NLRP4: variants seen among roughly 807,000 people sequenced by gnomAD.
NLRP4 encodes NLR family pyrin domain containing 4, also known as NACHT, LRR and PYD domains-containing protein 4.
A neutral mutation model predicts 84.7 loss-of-function variants in NLRP4; 44 were observed. The ratio of observed to expected loss-of-function variants is 0.52; its 90% confidence interval spans 0.41 to 0.67. NLRP4 has a LOEUF of 0.67. Ranked by LOEUF, NLRP4 falls within the 30% of genes least tolerant of loss-of-function variation. The pLI is 0.00. For missense variants in NLRP4, 1,260 were observed against 1,219.4 expected, an observed-to-expected ratio of 1.03 and a Z score of -0.50; for synonymous variants, 544 against 476.4, an observed-to-expected ratio of 1.14 and a Z score of -1.85.
chr19:55,844,718 C>T lies in NLRP4; in HGVS notation c.-65-7298C>T, dbSNP rs1009571680. Among the ~76,000 whole-genome samples the T allele has an allele frequency of 3.9e-5, 6 of 152,178 alleles. No homozygotes were observed. In the South Asian group the frequency reaches 8.3e-4, roughly 21 times the overall value. ...TCCAAACAAGCCCAGACTTCAGTTG[C>T]ACTTTGTGACCTCCAGTGTAACTCA... On this transcript the variant is annotated intron_variant, in intron 1 of 9. Transcript: ENST00000301295.
chr19:55,873,455 T>C (rs1330086364), intron 7 of NLRP4, among the ~76,000 whole-genome samples: 1 of 152,190 alleles, frequency 6.6e-6, no homozygotes, highest in Admixed American at 6.5e-5. Context: ...AATTCAAATA[T>C]GCTAGTAATT....
chr19:55,849,837 C>T lies in NLRP4; in HGVS notation c.-65-2179C>T, dbSNP rs796537298. ...AGCTGCGGTGTAATTTCCGAAGCTGCGGTGTAATTTCCGAGACTGCGGTGT... is the reference window on the plus strand; with the variant it reads ...AGCTGCGGTGTAATTTCCGAAGCTGTGGTGTAATTTCCGAGACTGCGGTGT... On this transcript the variant is annotated intron_variant, in intron 1 of 9. Transcript: ENST00000301295. 4.5e-4 allele frequency among the ~76,000 whole-genome samples: 68 copies of T among 149,790 alleles called. 2 individuals are homozygous for T. The highest frequency in any genetic ancestry group is 1.1e-3 in the Admixed American group (17 of 15,046).
chr19:55,870,354 A>G (rs760148473), intron 6 of NLRP4, among the ~76,000 whole-genome samples: 1 of 152,206 alleles, frequency 6.6e-6, no homozygotes, highest in African/African-American at 2.4e-5. Flanking sequence ...TAATTCTTCT[A>G]TCATGCAACT....
chr19:55,867,717 A>G lies in NLRP4; in HGVS notation c.2195A>G (p.Asn732Ser). The G allele has an allele frequency of 6.2e-7, 1 of 1,613,602 alleles. No homozygotes were observed. The highest frequency in any genetic ancestry group is 2.2e-5 in the East Asian group (1 of 44,890). Residue 732 changes from asparagine to serine, a missense_variant, in exon 6 of 10, where the codon AAT (asparagine) becomes AGT (serine). Asn to Ser is a conservative substitution (Grantham distance 46, BLOSUM62 1). Transcript: ENST00000301295. ...AGNVKELALVNCHLSPIDCEV... is the reference protein window; with the variant it reads ...AGNVKELALVSCHLSPIDCEV... The stretch of plus-strand genomic sequence containing the variant: ...TTTTCCCTTTCCTGCAGGCTGGTAA[A>G]TTGTCACCTCTCACCCATTGATTGT...
At chr19:55,869,244 C>T (rs1317683267) in intron 6 of NLRP4, among the ~76,000 whole-genome samples, 1 of 151,978 alleles carries the variant, frequency 6.6e-6, no homozygotes, top group Non-Finnish European at 1.5e-5. Context: ...CCTGTAGTCC[C>T]AGCTACTCTC....
At chr19:55,857,652 C>A in intron 2 of NLRP4, 22 bp from the exon 3 acceptor site, 1 of 1,606,616 alleles carries the variant, frequency 6.2e-7, no homozygotes, top group Non-Finnish European at 8.5e-7. Context: ...GGTTTTCTCT[C>A]CTCTTGCCCT....
At chr19:55,879,171 C>T (rs1210290340) in intron 9 of NLRP4, among the ~76,000 whole-genome samples, 1 of 152,194 alleles carries the variant, frequency 6.6e-6, no homozygotes, top group Non-Finnish European at 1.5e-5. Context: ...AATGGAAACA[C>T]TTGTGAAGTG....
intron 1 of NLRP4, among the ~76,000 whole-genome samples, chr19:55,837,398 A>G (rs566233944): frequency 6.6e-6 from 1 of 152,292 alleles, no homozygotes; most frequent in South Asian, 2.1e-4. Flanking sequence ...GATATTAAGT[A>G]TATTCAACCT....
chr19:55,842,956 T>G (rs950160564), intron 1 of NLRP4, among the ~76,000 whole-genome samples: 1 of 152,100 alleles, frequency 6.6e-6, no homozygotes, highest in Non-Finnish European at 1.5e-5. Flanking sequence ...AGATGGGGTT[T>G]CACCGTGTTA....
intron 2 of NLRP4, among the ~76,000 whole-genome samples, chr19:55,853,761 T>TTTCTC (rs1984267870): frequency 7.7e-6 from 1 of 130,398 alleles, no homozygotes; most frequent in Admixed American, 7.0e-5. Context: ...CTCTTTCTCT[T>TTTCTC]TCTCTCTCTC....
rs1183049946 is a variant in NLRP4, at chr19:55,858,498, A to C, written c.1105A>C (p.Thr369Pro). Residue 369 changes from threonine to proline, a missense_variant, in exon 3 of 10, where the codon ACC (threonine) becomes CCC (proline). Coordinates refer to ENST00000301295, the MANE Select transcript of NLRP4 (RefSeq NM_134444.5). The surrounding 1 kb of genome is among the most constrained non-coding windows in gnomAD (Gnocchi z 4.2). ...CCTGGCCCTGACCTGCCAGAGCACTACCTCTGTGTACTCCTCTTTCGTCTT... is the reference window on the plus strand; with the variant it reads ...CCTGGCCCTGACCTGCCAGAGCACTCCCTCTGTGTACTCCTCTTTCGTCTT... ...KDLALTCQST[T>P]SVYSSFVFNL... 1.9e-6 allele frequency: 3 copies of C among 1,613,814 alleles called. No individual in the cohort carries two copies. The highest frequency in any genetic ancestry group is 2.7e-5 in the African/African-American group (2 of 74,850).
chr19:55,867,164 T>C (rs994389256), intron 5 of NLRP4, among the ~76,000 whole-genome samples: 1 of 149,448 alleles, frequency 6.7e-6, no homozygotes, highest in African/African-American at 2.5e-5. Flanking sequence ...CCAGAGACCA[T>C]AAGCCAAGCA....
chr19:55,878,698 A>G, intron 8 of NLRP4, 96 bp from the exon 9 acceptor site: 1 of 1,072,718 alleles, frequency 9.3e-7, no homozygotes, highest in Non-Finnish European at 1.3e-6. Flanking sequence ...CACTTGAGGC[A>G]ATGGGGTGTG....
Position 55,878,779 on chromosome 19 carries a change from G to A in NLRP4, c.2697-15G>A, listed in dbSNP as rs1393426905. The A allele has an allele frequency of 3.1e-6, 5 of 1,605,790 alleles. No homozygotes were observed. Among genetic ancestry groups the A allele is most frequent in the Non-Finnish European group, 4.3e-6 (5 of 1,174,642 alleles). ...AGGCTGGGGCCGCATCTTACCATGT[G>A]TCTTTTTATTGCAGGTTGGAAGAAT... On this transcript the variant is annotated splice_polypyrimidine_tract_variant and intron_variant, in intron 8 of 9. Coordinates refer to ENST00000301295, the MANE Select transcript of NLRP4 (RefSeq NM_134444.5).
At chr19:55,857,097 T>C (rs1984464343) in intron 2 of NLRP4, among the ~76,000 whole-genome samples, 1 of 152,248 alleles carries the variant, frequency 6.6e-6, no homozygotes, top group Non-Finnish European at 1.5e-5. Flanking sequence ...GATTATTCCA[T>C]ACTTTTAATA....
Position 55,861,490 on chromosome 19 carries a change from C to T in NLRP4, c.1961C>T (p.Thr654Ile). The stretch of plus-strand genomic sequence containing the variant: ...CAGGACAGCACCCTCAGCGAGTCGA[C>T]CTTTGTGACCTGGTGTAACCAGCTG... ...QVQDSTLSES[T>I]FVTWCNQLRH... Residue 654 changes from threonine to isoleucine, a missense_variant, in exon 4 of 10, where the codon ACC becomes ATC. Transcript: ENST00000301295. The T allele has an allele frequency of 6.2e-7, 1 of 1,614,192 alleles. No homozygotes were observed. The highest frequency in any genetic ancestry group is 2.2e-5 in the East Asian group (1 of 44,876).
At chr19:55,850,152 AGGCTGCGGTGTAATTTCCGT>A (rs1568658647) in intron 1 of NLRP4, among the ~76,000 whole-genome samples, 1,139 of 52,018 alleles carry the variant, frequency 0.022, 14 homozygotes, top group Admixed American at 0.043. Context: ...GTAATTTCCG[AGGCTGCGGTGTAATTTCCGT>A]GGCTGCGGTG....
intron 1 of NLRP4, among the ~76,000 whole-genome samples, chr19:55,844,619 G>A (rs1446340207): frequency 1.3e-5 from 2 of 152,076 alleles, no homozygotes; most frequent in East Asian, 3.9e-4. Context: ...ATTGGATCGG[G>A]GGCCCACCCT....
In NLRP4 at chr19:55,850,118, C is replaced by T. The variant is rs945382755; in HGVS notation, c.-65-1898C>T. Among the ~76,000 whole-genome samples, 20 of 137,052 alleles carry T rather than the reference C, an allele frequency of 1.5e-4. 4 individuals are homozygous for T. Among genetic ancestry groups the T allele is most frequent in the African/African-American group, 5.0e-4 (16 of 32,258 alleles). 89.9% of individuals were successfully genotyped at this position (137,052 alleles called of 152,430 possible). A position where few individuals can be genotyped will look rare whatever the true frequency, so the allele number is the denominator to read the frequency against. On this transcript the variant is annotated intron_variant, in intron 1 of 9. Transcript: ENST00000301295. ...GGCTGCGGTGTAATTACCGTAGCTG[C>T]GGTGTAATTTCCGTGGCTGCGGTGT...
Sources: allele counts gnomAD v4.1 joint callset (sites outside exome capture counted in the v4.1 genomes callset), GRCh38; gene constraint gnomAD v4.1.1; non-coding constraint Gnocchi (gnomAD v3.1); transcripts MANE v1.5; gene names NCBI Gene and HGNC (gene_info 2026-07-23, HGNC 2026-07-21).